Variants in ASH1L observed in about 807,000 individuals in gnomAD.
ASH1L encodes histone-lysine N-methyltransferase ASH1L.
Under a neutral mutation model 269.0 loss-of-function variants are expected in ASH1L, and 23 were observed. That is an observed-to-expected ratio of 0.09 (90% CI 0.06 to 0.12). The LOEUF is 0.12. ASH1L is among the 10% of genes least tolerant of loss of function. The pLI is 1.00. For synonymous variants in ASH1L, 1,187 were observed against 1,253.5 expected, an observed-to-expected ratio of 0.95 and a Z score of 1.12; for missense variants, 2,912 against 3,567.8, an observed-to-expected ratio of 0.82 and a Z score of 4.68.
chr1:155,518,969 G>A (rs1412472766), intron 2 of ASH1L, among the ~76,000 whole-genome samples: 6 of 152,108 alleles, frequency 3.9e-5, no homozygotes, highest in Non-Finnish European at 4.4e-5. Flanking sequence ...TCCTGAAAGC[G>A]CTAAATAAAT....
chr1:155,504,705 T>A (rs1454952294), intron 2 of ASH1L, among the ~76,000 whole-genome samples: 1 of 151,820 alleles, frequency 6.6e-6, no homozygotes, highest in East Asian at 1.9e-4. Flanking sequence ...AATACAAAAA[T>A]TAGCCAGGCA....
At chr1:155,347,201 C>G (rs922238924) in intron 20 of ASH1L, among the ~76,000 whole-genome samples, 2 of 152,088 alleles carry the variant, frequency 1.3e-5, no homozygotes, top group East Asian at 1.9e-4. Flanking sequence ...GAGTTCAAGA[C>G]CAGCCTGGGC....
chr1:155,436,032 CAG>C (rs1662060506), intron 5 of ASH1L, among the ~76,000 whole-genome samples: 1 of 152,128 alleles, frequency 6.6e-6, no homozygotes. Context: ...GGCTGGGTGA[CAG>C]AGTGAAACTC....
intron 6 of ASH1L, among the ~76,000 whole-genome samples, chr1:155,400,914 C>A (rs1658782257): frequency 6.6e-6 from 1 of 152,142 alleles, no homozygotes; most frequent in Non-Finnish European, 1.5e-5. Flanking sequence ...AATCCCAGCA[C>A]TTTGGGAGGC....
In ASH1L at chr1:155,375,798, C is replaced by CA. The variant is rs60058591; in HGVS notation, c.6332+2482dup. Among the ~76,000 whole-genome samples the CA allele has an allele frequency of 2.9e-3, 400 of 138,028 alleles. 2 individuals are homozygous for CA. Among genetic ancestry groups the CA allele is most frequent in the African/African-American group, 6.7e-3 (259 of 38,412 alleles). 90.6% of individuals were successfully genotyped at this position (138,028 alleles called of 152,430 possible). ...GGGCAACGAGAATGAAACTTCGTCT[C>CA]AAAAAAAAAAAAGAAAAATGAGACA... On this transcript the variant is annotated intron_variant, in intron 10 of 27. Coordinates refer to ENST00000392403, the MANE Select transcript of ASH1L (RefSeq NM_018489.3).
chr1:155,422,509 A>G (rs1660782301), intron 5 of ASH1L, among the ~76,000 whole-genome samples: 1 of 151,028 alleles, frequency 6.6e-6, no homozygotes. Context: ...CTGCCTCCCA[A>G]AGTGGGAGGC....
intron 3 of ASH1L, among the ~76,000 whole-genome samples, chr1:155,473,772 T>C (rs1440555876): frequency 2.6e-5 from 4 of 152,152 alleles, no homozygotes; most frequent in African/African-American, 9.7e-5. Flanking sequence ...AGTGTTGAGA[T>C]TACAGGCATT....
At chr1:155,553,236 CTTA>C (rs1347015291) in intron 1 of ASH1L, among the ~76,000 whole-genome samples, 2 of 152,118 alleles carry the variant, frequency 1.3e-5, no homozygotes, top group African/African-American at 4.8e-5. Flanking sequence ...TGGCTAGATA[CTTA>C]TTATAATCAA....
intron 15 of ASH1L, 50 bp from the exon 16 acceptor site, chr1:155,354,680 T>C (rs762338454): frequency 1.3e-6 from 2 of 1,554,942 alleles, no homozygotes; most frequent in Non-Finnish European, 1.8e-6. Flanking sequence ...TAAATAAGCA[T>C]GTATTACATG....
chr1:155,473,963 G>C (rs1202999433), intron 3 of ASH1L, among the ~76,000 whole-genome samples: 1 of 152,120 alleles, frequency 6.6e-6, no homozygotes, highest in Admixed American at 6.5e-5. Flanking sequence ...AGCCTCCCGA[G>C]TAGCTGAGAC....
chr1:155,478,513 G>A lies in ASH1L; in HGVS notation c.4357C>T (p.Leu1453Phe). 5 of 1,614,158 alleles carry A rather than the reference G, an allele frequency of 3.1e-6. No homozygotes were observed. Among genetic ancestry groups the A allele is most frequent in the Non-Finnish European group, 4.2e-6 (5 of 1,180,014 alleles). Residue 1453 changes from leucine (L) to phenylalanine (F), a missense_variant, in exon 3 of 28, where the codon CTT becomes TTT. By Grantham distance (22) the Leu-to-Phe change is conservative. Transcript: ENST00000392403. This position sits in a 1 kb window ranked among gnomAD's most constrained non-coding sequence, Gnocchi z 4.6. ...AGGAGGGGAGTCCTGCTGGTTGTAA[G>A]AAAGGCCTCCTGTCGAAGTAGCTTA... is the stretch of plus-strand genomic sequence containing the variant. ...KHKLLRQEAF[L>F]TTSRTPLLSM...
At chr1:155,348,492 A>G (rs2148339200) in intron 19 of ASH1L, among the ~76,000 whole-genome samples, 1 of 152,164 alleles carries the variant, frequency 6.6e-6, no homozygotes, top group African/African-American at 2.4e-5. Flanking sequence ...ACAATAGTCC[A>G]TCCTGTCCTT....
intron 5 of ASH1L, chr1:155,433,318 A>G (rs760920998): frequency 1.3e-6 from 2 of 1,583,668 alleles, no homozygotes; most frequent in Non-Finnish European, 1.7e-6. Flanking sequence ...GAGGGCCAGG[A>G]ATCGGGCCGG....
In ASH1L at chr1:155,480,344, T is replaced by C; in HGVS notation, c.2526A>G (p.Pro842=). 1 of 1,613,762 alleles carries C rather than the reference T, an allele frequency of 6.2e-7. No individual in the cohort carries two copies. The highest frequency in any genetic ancestry group is 8.5e-7 in the Non-Finnish European group (1 of 1,179,730). ...CAGGGATTTTTAAAGTCCTTTTAGG[T>C]GGCCCTTCCAGTTGAGGCATCTCCT... The part of the protein sequence containing the change: ...KSKEMPQLEG[P]PKRTLKIPAS... The change falls in exon 3 of 28, where the codon CCA becomes CCG. Residue 842 remains proline (P), a synonymous_variant. Transcript: ENST00000392403.
intron 19 of ASH1L, 132 bp from the exon 20 acceptor site, chr1:155,348,036 A>G (rs1228889383): frequency 9.8e-7 from 1 of 1,024,410 alleles, no homozygotes; most frequent in African/African-American, 1.6e-5. Flanking sequence ...ATAGTATCAA[A>G]TATATGGCCA....
intron 27 of ASH1L, 60 bp from the exon 28 acceptor site, chr1:155,337,811 T>C: frequency 2.0e-6 from 3 of 1,496,790 alleles, no homozygotes; most frequent in Non-Finnish European, 2.8e-6. Context: ...TATTCCAGAT[T>C]TGAGCTCTAA....
At chr1:155,477,342 T>C (rs1465425629) in intron 3 of ASH1L, among the ~76,000 whole-genome samples, 1 of 152,202 alleles carries the variant, frequency 6.6e-6, no homozygotes, top group Non-Finnish European at 1.5e-5. Context: ...CAAAATGAAG[T>C]CTGTCTGAAT....
intron 1 of ASH1L, among the ~76,000 whole-genome samples, chr1:155,560,430 A>G (rs2148932249): frequency 6.6e-6 from 1 of 152,340 alleles, no homozygotes. Flanking sequence ...ACTATATGAA[A>G]TGAGTCTTTC....
At chr1:155,461,525 G>A (rs1396689598) in intron 3 of ASH1L, among the ~76,000 whole-genome samples, 2 of 152,110 alleles carry the variant, frequency 1.3e-5, no homozygotes, top group Non-Finnish European at 2.9e-5. Flanking sequence ...ATATCTGACA[G>A]TATAATAAAT....
Sources: gnomAD v4.1 joint callset for allele counts (sites outside exome capture counted in the v4.1 genomes callset) on GRCh38, gnomAD v4.1.1 for gene constraint, Gnocchi (gnomAD v3.1) non-coding constraint, MANE v1.5 for transcripts, NCBI Gene and HGNC (gene_info 2026-07-23, HGNC 2026-07-21) for gene names.